ACYP2: variants seen among roughly 807,000 people sequenced by gnomAD.
ACYP2 encodes acylphosphatase-2.
ACYP2 carries 12 observed loss-of-function variants against 11.2 expected under a neutral mutation model. The observed-to-expected ratio is 1.08, with a 90% CI of 0.69 to 1.74. ACYP2 has a LOEUF of 1.74. Ranked by LOEUF, ACYP2 falls within the 40% of genes most tolerant of loss-of-function variation. ACYP2 has a pLI of 0.00. For synonymous variants in ACYP2, 43 were observed against 32.2 expected (o/e 1.33, Z -1.13); for missense variants, 134 against 101.9 (o/e 1.31, Z -1.35).
chr2:54,272,981 GCTTGTTTTCAT>G (rs1573029766), intron 6 of ACYP2, among the ~76,000 whole-genome samples: 1 of 152,204 alleles, frequency 6.6e-6, no homozygotes, highest in African/African-American at 2.4e-5. Context: ...TACCAGGTCA[GCTTGTTTTCAT>G]CTTGTTTTCA....
chr2:53,982,229 G>A (rs1283587212), intron 2 of ACYP2, among the ~76,000 whole-genome samples: 1 of 152,136 alleles, frequency 6.6e-6, no homozygotes, highest in African/African-American at 2.4e-5. Flanking sequence ...AATTTGAATA[G>A]CCAGCAAGAC....
At chr2:54,081,504 T>C (rs1214318778) in intron 4 of ACYP2, among the ~76,000 whole-genome samples, 3 of 152,184 alleles carry the variant, frequency 2.0e-5, no homozygotes, top group Non-Finnish European at 4.4e-5. Context: ...CGTCACATAC[T>C]GTAAAGGTTT....
intron 6 of ACYP2, among the ~76,000 whole-genome samples, chr2:54,157,726 C>T (rs1298730116): frequency 6.6e-6 from 1 of 152,142 alleles, no homozygotes; most frequent in African/African-American, 2.4e-5. Context: ...GCCGTGAAGG[C>T]AATAAATAAG....
chr2:54,049,737 G>C (rs1675732050), intron 2 of ACYP2, among the ~76,000 whole-genome samples: 1 of 152,090 alleles, frequency 6.6e-6, no homozygotes, highest in Non-Finnish European at 1.5e-5. Context: ...CCTCATCTCA[G>C]AATAAGAAGC....
At chr2:54,021,908 G>A (rs547548551) in intron 2 of ACYP2, among the ~76,000 whole-genome samples, 42 of 152,122 alleles carry the variant, frequency 2.8e-4, no homozygotes, top group Admixed American at 2.4e-3. Flanking sequence ...CTGTGAAGAC[G>A]GGCACATTTT....
intron 6 of ACYP2, among the ~76,000 whole-genome samples, chr2:54,246,242 A>C (rs2103996420): frequency 6.6e-6 from 1 of 152,076 alleles, no homozygotes; most frequent in Admixed American, 6.6e-5. Flanking sequence ...TATACTTTAG[A>C]ATTTGTTTGT....
intron 6 of ACYP2, among the ~76,000 whole-genome samples, chr2:54,217,949 T>C (rs1232925452): frequency 1.3e-5 from 2 of 152,228 alleles, no homozygotes; most frequent in Non-Finnish European, 1.5e-5. Context: ...CATCTCACTG[T>C]ATTACCTTCT....
At chr2:54,111,739 T>C (rs946022743) in intron 4 of ACYP2, among the ~76,000 whole-genome samples, 3 of 152,252 alleles carry the variant, frequency 2.0e-5, no homozygotes, top group Non-Finnish European at 1.5e-5. Context: ...ACAATTTGTA[T>C]CATGTTGGGT....
chr2:54,140,414 A>T (rs1206544353), intron 6 of ACYP2, among the ~76,000 whole-genome samples: 2 of 152,168 alleles, frequency 1.3e-5, no homozygotes, highest in African/African-American at 4.8e-5. Context: ...ATCGTATCAT[A>T]CACTGTGCTC....
chr2:54,022,632 A>G (rs1205930582), intron 2 of ACYP2, among the ~76,000 whole-genome samples: 1 of 152,122 alleles, frequency 6.6e-6, no homozygotes, highest in African/African-American at 2.4e-5. Flanking sequence ...CTCCCACCTC[A>G]GCCTCACAAA....
intron 6 of ACYP2, among the ~76,000 whole-genome samples, chr2:54,241,738 C>T (rs1360624273): frequency 4.6e-5 from 7 of 152,182 alleles, no homozygotes; most frequent in South Asian, 2.1e-4. Flanking sequence ...TGAGGCCAGG[C>T]GCAGTGGCTC....
chr2:54,171,458 A>C (rs1359650849), intron 6 of ACYP2, among the ~76,000 whole-genome samples: 1 of 152,200 alleles, frequency 6.6e-6, no homozygotes, highest in Admixed American at 6.5e-5. Flanking sequence ...GTGTTATGCC[A>C]AAAAGTTATG....
chr2:53,998,320 G>C lies in ACYP2; in HGVS notation c.62+24510G>C, dbSNP rs142325729. On this transcript the variant is annotated intron_variant, in intron 2 of 6. Coordinates refer to ENST00000607452, the MANE Select transcript of ACYP2 (RefSeq NM_001320586.2). Reference sequence around the variant, plus strand: ...GACTTTTCCTCCCAGAAATGTATCAGTGAATGAGAATAAATCTGTATGATA... The same window carrying C: ...GACTTTTCCTCCCAGAAATGTATCACTGAATGAGAATAAATCTGTATGATA... Among the ~76,000 whole-genome samples, 455 of 152,314 alleles carry C rather than the reference G, an allele frequency of 3.0e-3. 2 individuals carry two copies. Among genetic ancestry groups the C allele is most frequent in the African/African-American group, 0.011 (437 of 41,566 alleles).
At chr2:54,230,504 C>T (rs753080061) in intron 6 of ACYP2, among the ~76,000 whole-genome samples, 1 of 152,018 alleles carries the variant, frequency 6.6e-6, no homozygotes, top group Non-Finnish European at 1.5e-5. Flanking sequence ...GCCACCACAC[C>T]CGGCTATGCG....
rs368305858 is a variant in ACYP2 at position 54,184,772 on chromosome 2, C to G, written c.404+46024C>G. ...AAACTTGAATAAATGGGAAGGGGTG[C>G]TATGTTTTAGAAGAAAAGACTCCAT... is the stretch of plus-strand genomic sequence containing the variant. On this transcript the variant is annotated intron_variant, in intron 6 of 6. Coordinates refer to ENST00000607452, the MANE Select transcript of ACYP2 (RefSeq NM_001320586.2). 1.2e-4 allele frequency among the ~76,000 whole-genome samples: 18 copies of G among 151,920 alleles called. No homozygotes were observed. The South Asian group carries it at 2.1e-3, about 18-fold the overall frequency.
chr2:54,065,347 G>A (rs76205147), intron 4 of ACYP2: 14,420 of 395,006 alleles, frequency 0.037, 356 homozygotes, highest in Non-Finnish European at 0.049. Flanking sequence ...AATCCTGATT[G>A]CTATCGATAA....
intron 6 of ACYP2, among the ~76,000 whole-genome samples, chr2:54,229,606 T>C (rs887812193): frequency 6.6e-6 from 1 of 152,162 alleles, no homozygotes; most frequent in Non-Finnish European, 1.5e-5. Flanking sequence ...TCCATCCTCT[T>C]TTTTCTGTGA....
chr2:54,257,260 A>C (rs1443769510), intron 6 of ACYP2, among the ~76,000 whole-genome samples: 2 of 152,240 alleles, frequency 1.3e-5, no homozygotes, highest in African/African-American at 4.8e-5. Context: ...AGATTGTTCA[A>C]ATTTATATAT....
At chr2:54,163,933 A>C (rs1682840425) in intron 6 of ACYP2, among the ~76,000 whole-genome samples, 1 of 152,192 alleles carries the variant, frequency 6.6e-6, no homozygotes, top group Non-Finnish European at 1.5e-5. Flanking sequence ...CACTTTAGGA[A>C]ATTTTTTTAA....
Sources: allele counts gnomAD v4.1 joint callset (sites outside exome capture counted in the v4.1 genomes callset), GRCh38; gene constraint gnomAD v4.1.1; transcripts MANE v1.5; gene names NCBI Gene and HGNC (gene_info 2026-07-23, HGNC 2026-07-21).